HSPA4: variants seen among roughly 807,000 people sequenced by gnomAD.
The protein encoded by HSPA4 is heat shock 70 kDa protein 4.
Under a neutral mutation model 106.2 loss-of-function variants are expected in HSPA4, and 25 were observed. That is an observed-to-expected ratio of 0.24 (90% CI 0.17 to 0.33). HSPA4 has a LOEUF of 0.33. Among genes scored for constraint, HSPA4 ranks in the 10% least tolerant of loss-of-function variants. The pLI is 1.00. For synonymous variants in HSPA4, 332 were observed against 333.6 expected, an observed-to-expected ratio of 1.00 and a Z score of 0.05; for missense variants, 841 against 996.0, an observed-to-expected ratio of 0.84 and a Z score of 2.10.
intron 7 of HSPA4, among the ~76,000 whole-genome samples, chr5:133,078,635 C>CA (rs57393822): frequency 0.39 from 30,936 of 78,890 alleles, 4,926 homozygotes; most frequent in Non-Finnish European, 0.44. Flanking sequence ...ACACTGTCTC[C>CA]AAAAAAAAAA....
chr5:133,099,462 T>C, intron 15 of HSPA4, 83 bp from the exon 16 acceptor site: 2 of 643,150 alleles, frequency 3.1e-6, no homozygotes, highest in Non-Finnish European at 2.7e-6. Context: ...AAATCTCAGA[T>C]ACATCATTAT....
At chr5:133,075,334 C>T (rs1317997687) in intron 6 of HSPA4, among the ~76,000 whole-genome samples, 1 of 152,140 alleles carries the variant, frequency 6.6e-6, no homozygotes, top group Non-Finnish European at 1.5e-5. Flanking sequence ...ATAATTTAGC[C>T]TGGCTTTGGA....
intron 1 of HSPA4, among the ~76,000 whole-genome samples, chr5:133,061,091 C>T (rs1765235896): frequency 6.6e-6 from 1 of 151,114 alleles, no homozygotes; most frequent in Admixed American, 6.6e-5. Context: ...AACAACAGTA[C>T]TTTCACATGC....
rs1765662751 is a variant in HSPA4 at position 133,092,806 on chromosome 5, G to GTTTTTTTTTTTGTT, written c.1650+28_1650+29insGTTTTTTTTTTTTT. On this transcript the variant is annotated intron_variant, in intron 13 of 18. Coordinates refer to ENST00000304858, the MANE Select transcript of HSPA4 (RefSeq NM_002154.4). ...GAAATGGAGGTATGCATTGGGTGGT[G>GTTTTTTTTTTTGTT]TTTTTTTTTTTTTTTTTTTTTTTTT... The GTTTTTTTTTTTGTT allele has an allele frequency of 2.5e-6, 1 of 400,972 alleles. No homozygotes were observed. Among genetic ancestry groups the GTTTTTTTTTTTGTT allele is most frequent in the African/African-American group, 3.8e-5 (1 of 26,536 alleles). 24.8% of individuals were successfully genotyped at this position (400,972 alleles called of 1,614,324 possible).
rs746357245 is a variant in HSPA4 at position 133,073,252 on chromosome 5, C to G, written c.452C>G (p.Ala151Gly). The G allele has an allele frequency of 1.2e-6, 2 of 1,604,624 alleles. No homozygotes were observed. The highest frequency in any genetic ancestry group is 2.2e-5 in the South Asian group (2 of 89,790). ...TAGGTTCCTTGTTTCTATACTGATG[C>G]AGAAAGACGATCAGTGATGGATGCA... Reference protein sequence around the residue: ...VVSVPCFYTDAERRSVMDATQ... With the variant: ...VVSVPCFYTDGERRSVMDATQ... Residue 151 changes from alanine (A) to glycine (G), a missense_variant, in exon 5 of 19, where the codon GCA (alanine) becomes GGA (glycine). Physicochemically the swap from Ala to Gly is moderately conservative, Grantham distance 60. This residue lies in a region of HSPA4 where 347 missense variants were observed against 408.7 expected (regional missense o/e 0.85). Coordinates refer to ENST00000304858, the MANE Select transcript of HSPA4 (RefSeq NM_002154.4).
At chr5:133,089,817 C>G (rs1222799180) in intron 11 of HSPA4, 122 bp downstream of exon 11, 2 of 657,624 alleles carry the variant, frequency 3.0e-6, no homozygotes, top group African/African-American at 1.8e-5. Flanking sequence ...AGTTCGAGAT[C>G]AGCCTGGGCA....
chr5:133,103,556 A>G (rs1332156086), intron 17 of HSPA4, among the ~76,000 whole-genome samples: 5 of 152,032 alleles, frequency 3.3e-5, no homozygotes, highest in African/African-American at 1.2e-4. Flanking sequence ...TATCTAATGT[A>G]ATTTTTTTGC....
intron 4 of HSPA4, among the ~76,000 whole-genome samples, chr5:133,071,238 T>C (rs1282381912): frequency 1.4e-5 from 2 of 146,214 alleles, no homozygotes; most frequent in African/African-American, 5.2e-5. Context: ...GGCAGGAAGA[T>C]TGTTTGAGAC....
intron 1 of HSPA4, among the ~76,000 whole-genome samples, chr5:133,062,978 A>C (rs901781503): frequency 6.6e-6 from 1 of 150,398 alleles, no homozygotes; most frequent in Admixed American, 6.6e-5. Context: ...GCTCTTATTT[A>C]CTCTGTTGAC....
chr5:133,052,893 A>C (rs1030815809), intron 1 of HSPA4: 4 of 152,872 alleles, frequency 2.6e-5, no homozygotes, highest in Non-Finnish European at 4.4e-5. Flanking sequence ...AGCCTCAGGC[A>C]CGGGTTCCGG....
intron 18 of HSPA4, 77 bp downstream of exon 18, chr5:133,104,103 G>A: frequency 7.0e-7 from 1 of 1,427,754 alleles, no homozygotes; most frequent in Admixed American, 1.9e-5. Flanking sequence ...ACTTAGGAGG[G>A]AACTTTATTA....
At chr5:133,073,917 A>T in intron 5 of HSPA4, 76 bp from the exon 6 acceptor site, 1 of 1,041,112 alleles carries the variant, frequency 9.6e-7, no homozygotes, top group Admixed American at 3.2e-5. Flanking sequence ...TTATATATAA[A>T]ACCTCTTTTT....
chr5:133,061,825 A>T (rs916453957), intron 1 of HSPA4, among the ~76,000 whole-genome samples: 1 of 151,956 alleles, frequency 6.6e-6, no homozygotes, highest in African/African-American at 2.4e-5. Flanking sequence ...GTAGAGACAG[A>T]GTTTCGCCAT....
At chr5:133,080,606 T>C (rs915484490) in intron 7 of HSPA4, among the ~76,000 whole-genome samples, 1 of 151,952 alleles carries the variant, frequency 6.6e-6, no homozygotes, top group African/African-American at 2.4e-5. Context: ...TCTGTTGTAG[T>C]GCTGTGGTTT....
At position 133,052,271 on chromosome 5, in the gene HSPA4, C is replaced by A; in HGVS notation, c.21C>A (p.Asp7Glu). The A allele has an allele frequency of 6.3e-7, 1 of 1,595,190 alleles. No individual in the cohort carries two copies. Among genetic ancestry groups the A allele is most frequent in the Non-Finnish European group, 8.5e-7 (1 of 1,173,936 alleles). The change falls in exon 1 of 19, where the codon GAC becomes GAA. Residue 7 changes from aspartate to glutamate, a missense_variant. Asp to Glu is a conservative substitution (Grantham distance 45). Transcript: ENST00000304858. MSVVGIDLGFQSCYVAV... is the reference protein window; with the variant it reads MSVVGIELGFQSCYVAV... ...GCGCCATGTCGGTGGTGGGCATAGA[C>A]CTGGGCTTCCAGAGCTGCTACGTCG...
At chr5:133,098,407 G>A (rs1156849579) in intron 15 of HSPA4, among the ~76,000 whole-genome samples, 2 of 152,110 alleles carry the variant, frequency 1.3e-5, no homozygotes, top group Non-Finnish European at 2.9e-5. Flanking sequence ...TGCCTCTCAG[G>A]TTCACGCCAT....
chr5:133,097,498 CTT>C (rs911630134), intron 15 of HSPA4, among the ~76,000 whole-genome samples: 3 of 150,008 alleles, frequency 2.0e-5, no homozygotes, highest in African/African-American at 7.3e-5. Flanking sequence ...TCACAAATCA[CTT>C]TTGACACATT....
At chr5:133,082,621 A>G (rs1055310536) in intron 7 of HSPA4, among the ~76,000 whole-genome samples, 1 of 151,958 alleles carries the variant, frequency 6.6e-6, no homozygotes, top group African/African-American at 2.4e-5. Context: ...GTTCACCGAC[A>G]TATCTGGCCA....
chr5:133,071,314 A>T (rs899000739), intron 4 of HSPA4, among the ~76,000 whole-genome samples: 2 of 142,516 alleles, frequency 1.4e-5, no homozygotes, highest in Non-Finnish European at 1.5e-5. Flanking sequence ...AAAAAAAATT[A>T]GCTGGGCATG....
Sources: gnomAD v4.1 joint callset for allele counts (sites outside exome capture counted in the v4.1 genomes callset) on GRCh38, gnomAD v4.1.1 for gene constraint, gnomAD v4.1.1 regional missense constraint, MANE v1.5 for transcripts, NCBI Gene and HGNC (gene_info 2026-07-23, HGNC 2026-07-21) for gene names.